CDC123: variants seen among roughly 807,000 people sequenced by gnomAD.
CDC123 encodes the protein translation initiation factor eIF2 assembly protein.
In CDC123, 37 loss-of-function variants were observed where a neutral mutation model predicts 54.4. That is an observed-to-expected ratio of 0.68 (90% CI 0.52 to 0.89). The LOEUF is 0.89. Ranked by LOEUF, CDC123 falls within the 40% of genes least tolerant of loss-of-function variation. The pLI is 0.00. For missense variants in CDC123, 361 were observed against 412.1 expected, an observed-to-expected ratio of 0.88 and a Z score of 1.07; for synonymous variants, 144 against 136.8, an observed-to-expected ratio of 1.05 and a Z score of -0.37.
chr10:12,203,954 G>A (rs535133345), intron 2 of CDC123, among the ~76,000 whole-genome samples: 76 of 152,078 alleles, frequency 5.0e-4, no homozygotes, highest in African/African-American at 1.7e-3. Flanking sequence ...TTAGCTGGGC[G>A]TGTTGGCACA....
In CDC123 at chr10:12,238,440, T is replaced by A. The variant is rs752903797; in HGVS notation, c.689-17T>A. ...AATATTAGTTCATTAATAACTGACT[T>A]TTTTTCTCCTTTACAGTTGTGTTCG... On this transcript the variant is annotated splice_polypyrimidine_tract_variant and intron_variant, in intron 9 of 12. Transcript: ENST00000281141. 1 of 1,597,318 alleles carries A rather than the reference T, an allele frequency of 6.3e-7. No homozygotes were observed. Among genetic ancestry groups the A allele is most frequent in the South Asian group, 1.1e-5 (1 of 87,074 alleles).
At position 12,196,196 on chromosome 10, in the gene CDC123, G is replaced by C; in HGVS notation, c.-50G>C. ...TTCCGGGGCCGGCGCCCAGAGTTCC[G>C]GGAGGGTGCAGGCAGGAGAGGGAAA... is the stretch of plus-strand genomic sequence containing the variant. On this transcript the variant is annotated 5_prime_UTR_variant, in exon 1 of 13. Transcript: ENST00000281141. 6.2e-7 allele frequency: 1 copy of C among 1,613,060 alleles called. No individual in the cohort carries two copies. The highest frequency in any genetic ancestry group is 2.2e-5 in the East Asian group (1 of 44,874).
intron 2 of CDC123, among the ~76,000 whole-genome samples, chr10:12,202,075 TTTAGG>T (rs1835447399): frequency 1.3e-5 from 2 of 152,144 alleles, no homozygotes; most frequent in Admixed American, 6.5e-5. Flanking sequence ...AGTTAGTGAT[TTTAGG>T]TTAGGTTACT....
At chr10:12,200,906 C>T (rs1208043218) in intron 2 of CDC123, among the ~76,000 whole-genome samples, 1 of 151,184 alleles carries the variant, frequency 6.6e-6, no homozygotes, top group Admixed American at 6.6e-5. Context: ...GCGCTCCAGC[C>T]TGGACAACAA....
intron 7 of CDC123, among the ~76,000 whole-genome samples, chr10:12,234,624 A>G (rs887382691): frequency 6.6e-5 from 10 of 152,136 alleles, no homozygotes; most frequent in African/African-American, 2.2e-4. Flanking sequence ...GTGTGCTTGT[A>G]TGTCAGAACT....
intron 2 of CDC123, among the ~76,000 whole-genome samples, chr10:12,204,074 CAG>C (rs1485707618): frequency 7.3e-6 from 1 of 137,422 alleles, no homozygotes; most frequent in Non-Finnish European, 1.5e-5. Flanking sequence ...GCCTGGGCAA[CAG>C]AGCAAGACCT....
chr10:12,229,901 G>A (rs1438946715), intron 6 of CDC123, among the ~76,000 whole-genome samples: 3 of 152,212 alleles, frequency 2.0e-5, no homozygotes, highest in South Asian at 2.1e-4. Flanking sequence ...CCAACGTTAC[G>A]TTGAGAGAGA....
intron 6 of CDC123, among the ~76,000 whole-genome samples, chr10:12,223,643 G>A (rs1835766108): frequency 6.6e-6 from 1 of 152,186 alleles, no homozygotes; most frequent in South Asian, 2.1e-4. Flanking sequence ...CATGTTTAGG[G>A]CATAATAAAT....
intron 4 of CDC123, among the ~76,000 whole-genome samples, chr10:12,214,846 T>C (rs182286577): frequency 3.0e-4 from 46 of 152,312 alleles, no homozygotes; most frequent in African/African-American, 1.0e-3. Context: ...TCAGAACTTA[T>C]AGTTGCCCGA....
At chr10:12,225,978 G>A (rs1205065254) in intron 6 of CDC123, among the ~76,000 whole-genome samples, 1 of 151,940 alleles carries the variant, frequency 6.6e-6, no homozygotes, top group Non-Finnish European at 1.5e-5. Context: ...GGAGCATGCT[G>A]CCTTCAAGCA....
chr10:12,237,527 G>A (rs1333521711), intron 9 of CDC123: 7 of 181,054 alleles, frequency 3.9e-5, no homozygotes, highest in South Asian at 1.8e-4. Flanking sequence ...TCCACCTCCC[G>A]GGTTCAGGTG....
At chr10:12,223,352 C>G (rs1055584735) in intron 6 of CDC123, among the ~76,000 whole-genome samples, 8 of 152,176 alleles carry the variant, frequency 5.3e-5, no homozygotes, top group South Asian at 4.1e-4. Context: ...ATGGCATGAT[C>G]TTGGCTCACT....
chr10:12,239,598 G>T (rs1375275870), intron 10 of CDC123, among the ~76,000 whole-genome samples: 1 of 152,040 alleles, frequency 6.6e-6, no homozygotes, highest in African/African-American at 2.4e-5. Context: ...ACCTAGCTAC[G>T]TGGGAAGCTG....
At chr10:12,210,080 T>C in intron 3 of CDC123, 56 bp downstream of exon 3, 1 of 1,570,658 alleles carries the variant, frequency 6.4e-7, no homozygotes. Flanking sequence ...AAATGATCTC[T>C]GAGATGGTTC....
chr10:12,219,352 T>A (rs1835703895), intron 6 of CDC123, among the ~76,000 whole-genome samples: 1 of 152,106 alleles, frequency 6.6e-6, no homozygotes, highest in Non-Finnish European at 1.5e-5. Context: ...GTGGTGTGTG[T>A]CTGTGTGTCT....
At chr10:12,233,664 G>T (rs950146282) in intron 7 of CDC123, among the ~76,000 whole-genome samples, 6 of 151,934 alleles carry the variant, frequency 3.9e-5, no homozygotes, top group Non-Finnish European at 7.4e-5. Flanking sequence ...GAACTGTGTA[G>T]TATTTTAGTT....
At chr10:12,240,829 A>G (rs6602569) in intron 10 of CDC123, among the ~76,000 whole-genome samples, 152,259 of 152,330 alleles carry the variant, frequency 1, 76,095 homozygotes, top group Non-Finnish European at 1. Context: ...ATGATCATAC[A>G]TGTCATGCCT....
intron 10 of CDC123, among the ~76,000 whole-genome samples, chr10:12,244,599 G>C (rs1038097696): frequency 1.4e-4 from 21 of 151,524 alleles, no homozygotes; most frequent in African/African-American, 3.6e-4. Flanking sequence ...AACAGGACAA[G>C]GTAGACATTT....
chr10:12,216,327 A>G (rs746904128), intron 5 of CDC123, among the ~76,000 whole-genome samples: 3 of 152,228 alleles, frequency 2.0e-5, no homozygotes, highest in Non-Finnish European at 2.9e-5. Context: ...TTTTAATCCA[A>G]TAGAAAACAG....
Sources: allele counts gnomAD v4.1 joint callset (sites outside exome capture counted in the v4.1 genomes callset), GRCh38; gene constraint gnomAD v4.1.1; transcripts MANE v1.5; gene names NCBI Gene and HGNC (gene_info 2026-07-23, HGNC 2026-07-21).